TAFA4: variants seen among roughly 807,000 people sequenced by gnomAD.
TAFA4 encodes the protein TAFA chemokine like family member 4, also known as chemokine-like protein TAFA-4.
In TAFA4, 20 loss-of-function variants were observed where a neutral mutation model predicts 21.1. That is an observed-to-expected ratio of 0.95 (90% CI 0.67 to 1.38). The LOEUF is 1.38. Among genes scored for constraint, TAFA4 ranks in the 40% most tolerant of loss-of-function variants. TAFA4 has a pLI of 0.00. For missense variants in TAFA4, 211 were observed against 180.9 expected (o/e 1.17, Z -0.95); for synonymous variants, 71 against 67.4 (o/e 1.05, Z -0.26).
intron 3 of TAFA4, among the ~76,000 whole-genome samples, chr3:68,832,762 C>T (rs1704430393): frequency 6.6e-6 from 1 of 152,236 alleles, no homozygotes; most frequent in South Asian, 2.1e-4. Context: ...CTGTCTGCTG[C>T]CTTTTGTTCA....
At chr3:68,789,693 A>AT (rs1344694810) in intron 3 of TAFA4, among the ~76,000 whole-genome samples, 1 of 136,984 alleles carries the variant, frequency 7.3e-6, no homozygotes, top group Non-Finnish European at 1.7e-5. Context: ...GAGGGCAAAA[A>AT]AAATTTTCTG....
chr3:68,841,851 C>G (rs1175217593), intron 3 of TAFA4, among the ~76,000 whole-genome samples: 1 of 152,148 alleles, frequency 6.6e-6, no homozygotes, highest in Non-Finnish European at 1.5e-5. Flanking sequence ...CCAGCTTCAT[C>G]CATATCCCTG....
chr3:68,740,499 A>G (rs1285647125), intron 4 of TAFA4, among the ~76,000 whole-genome samples: 1 of 152,220 alleles, frequency 6.6e-6, no homozygotes, highest in Non-Finnish European at 1.5e-5. Flanking sequence ...CTTCCTTGGA[A>G]AAATATCAAT....
At chr3:68,923,100 G>C (rs1343416807) in intron 1 of TAFA4, among the ~76,000 whole-genome samples, 1 of 152,048 alleles carries the variant, frequency 6.6e-6, no homozygotes, top group Non-Finnish European at 1.5e-5. Flanking sequence ...CCCCATACAG[G>C]CTTATTTCTG....
intron 3 of TAFA4, among the ~76,000 whole-genome samples, chr3:68,776,496 G>A (rs933954603): frequency 2.6e-5 from 4 of 152,124 alleles, no homozygotes; most frequent in Non-Finnish European, 5.9e-5. Flanking sequence ...ATGCTGTAAA[G>A]CTTTAAAATA....
Position 68,885,240 on chromosome 3 carries a change from C to A in TAFA4, c.-52G>T. 1 of 1,568,116 alleles carries A rather than the reference C, an allele frequency of 6.4e-7. No individual in the cohort carries two copies. Among genetic ancestry groups the A allele is most frequent in the Non-Finnish European group, 8.7e-7 (1 of 1,145,760 alleles). ...TATTCCAGGATATATTTCAGAGTGA[C>A]TCCAAATTCCCATCTGTTGCTAGAA... On this transcript the variant is annotated 5_prime_UTR_variant, in exon 2 of 6. Coordinates refer to ENST00000295569, the MANE Select transcript of TAFA4 (RefSeq NM_182522.5).
At chr3:68,787,697 A>G (rs999146684) in intron 3 of TAFA4, among the ~76,000 whole-genome samples, 4 of 152,252 alleles carry the variant, frequency 2.6e-5, no homozygotes, top group Non-Finnish European at 4.4e-5. Flanking sequence ...GTCATTCGCT[A>G]TGGTACAGTC....
chr3:68,829,551 G>A (rs1466137604), intron 3 of TAFA4, among the ~76,000 whole-genome samples: 1 of 152,188 alleles, frequency 6.6e-6, no homozygotes, highest in African/African-American at 2.4e-5. Context: ...ACTTGATCTG[G>A]TGGATAAGTT....
intron 3 of TAFA4, among the ~76,000 whole-genome samples, chr3:68,759,952 G>A (rs952185254): frequency 6.6e-6 from 1 of 152,084 alleles, no homozygotes; most frequent in African/African-American, 2.4e-5. Context: ...CATACTATGT[G>A]CCAGAGACTG....
At chr3:68,742,734 T>C (rs1293123138) in intron 4 of TAFA4, among the ~76,000 whole-genome samples, 1 of 152,136 alleles carries the variant, frequency 6.6e-6, no homozygotes, top group Admixed American at 6.5e-5. Context: ...AAAATATTTT[T>C]AAAAACATTA....
chr3:68,872,683 T>C (rs2089497742), intron 3 of TAFA4, among the ~76,000 whole-genome samples: 1 of 152,120 alleles, frequency 6.6e-6, no homozygotes. Context: ...TGCACAACTA[T>C]TATGTAGCAA....
intron 3 of TAFA4, among the ~76,000 whole-genome samples, chr3:68,783,792 A>G (rs1466040467): frequency 2.6e-5 from 4 of 152,160 alleles, no homozygotes; most frequent in Admixed American, 1.3e-4. Context: ...AAAGAGATGG[A>G]CTGAATAGAT....
intron 1 of TAFA4, among the ~76,000 whole-genome samples, chr3:68,892,680 C>G (rs2106967897): frequency 6.6e-6 from 1 of 152,344 alleles, no homozygotes; most frequent in East Asian, 1.9e-4. Context: ...GGTTTACACT[C>G]TGTCACTTTA....
chr3:68,787,532 A>T (rs77161803), intron 3 of TAFA4, among the ~76,000 whole-genome samples: 181 of 152,312 alleles, frequency 1.2e-3, no homozygotes, highest in African/African-American at 3.6e-3. Context: ...CTGCCATTGT[A>T]AAGAAGAAAG....
At chr3:68,755,763 G>C (rs1320133651) in intron 3 of TAFA4, among the ~76,000 whole-genome samples, 5 of 152,190 alleles carry the variant, frequency 3.3e-5, no homozygotes, top group Non-Finnish European at 7.3e-5. Flanking sequence ...CAATAGCCGA[G>C]TCAGTAAACT....
chr3:68,827,323 A>C (rs555976316), intron 3 of TAFA4, among the ~76,000 whole-genome samples: 159 of 152,156 alleles, frequency 1.0e-3, no homozygotes, highest in African/African-American at 3.6e-3. Flanking sequence ...CTTTGCTATT[A>C]TGAATAGTGC....
At chr3:68,909,496 A>T (rs1365541925) in intron 1 of TAFA4, among the ~76,000 whole-genome samples, 1 of 152,184 alleles carries the variant, frequency 6.6e-6, no homozygotes, top group Non-Finnish European at 1.5e-5. Flanking sequence ...ATGAAATAGG[A>T]AACTGTCCAA....
intron 5 of TAFA4, among the ~76,000 whole-genome samples, chr3:68,734,323 C>T (rs1702201816): frequency 6.6e-6 from 1 of 152,124 alleles, no homozygotes; most frequent in African/African-American, 2.4e-5. Context: ...TTGCTGATCC[C>T]TATTCCAGAG....
At chr3:68,745,913 G>C (rs1186896872) in intron 4 of TAFA4, among the ~76,000 whole-genome samples, 1 of 152,116 alleles carries the variant, frequency 6.6e-6, no homozygotes, top group Non-Finnish European at 1.5e-5. Context: ...ATTGTTCCTG[G>C]GTATGCCTGT....
Sources: gnomAD v4.1 joint callset for allele counts (sites outside exome capture counted in the v4.1 genomes callset) on GRCh38, gnomAD v4.1.1 for gene constraint, MANE v1.5 for transcripts, NCBI Gene and HGNC (gene_info 2026-07-23, HGNC 2026-07-21) for gene names.